The following ADGRB3 variants were observed in gnomAD, a reference collection of about 807,000 sequenced individuals.
ADGRB3 encodes the protein brain-specific angiogenesis inhibitor 3.
Under a neutral mutation model 193.4 loss-of-function variants are expected in ADGRB3, and 37 were observed. The observed-to-expected ratio is 0.19, with a 90% confidence interval of 0.15 to 0.25. The LOEUF is 0.25. Among genes scored for constraint, ADGRB3 ranks in the 10% least tolerant of loss-of-function variants. The pLI is 1.00. For missense variants in ADGRB3, 1,637 were observed against 1,852.9 expected, an observed-to-expected ratio of 0.88 and a Z score of 2.14; for synonymous variants, 690 against 644.2, an observed-to-expected ratio of 1.07 and a Z score of -1.08.
intron 20 of ADGRB3, among the ~76,000 whole-genome samples, chr6:69,304,107 G>T (rs1768011776): frequency 2.0e-5 from 3 of 150,984 alleles, no homozygotes; most frequent in Admixed American, 6.6e-5. Context: ...TTAAAAAAAA[G>T]AGGTTATATA....
At chr6:69,091,362 C>T (rs557441587) in intron 17 of ADGRB3, among the ~76,000 whole-genome samples, 2 of 152,224 alleles carry the variant, frequency 1.3e-5, no homozygotes, top group Admixed American at 1.3e-4. Flanking sequence ...CAGCACTTTT[C>T]ACAATAGCAA....
chr6:69,006,106 TA>T (rs1244342797), intron 11 of ADGRB3, among the ~76,000 whole-genome samples: 1 of 150,046 alleles, frequency 6.7e-6, no homozygotes, highest in African/African-American at 2.4e-5. Context: ...GATTACTTAC[TA>T]TTTTTTTTTA....
chr6:69,146,726 C>A (rs1774507112), intron 17 of ADGRB3, among the ~76,000 whole-genome samples: 1 of 150,872 alleles, frequency 6.6e-6, no homozygotes, highest in African/African-American at 2.4e-5. Flanking sequence ...ATCATTAATT[C>A]TTTAAATGTT....
intron 3 of ADGRB3, among the ~76,000 whole-genome samples, chr6:68,696,402 G>A (rs1041537975): frequency 5.3e-5 from 8 of 150,716 alleles, no homozygotes; most frequent in Admixed American, 2.6e-4. Context: ...TTTGAAAATT[G>A]ACATTTGCCA....
intron 17 of ADGRB3, among the ~76,000 whole-genome samples, chr6:69,129,806 A>G (rs1773954960): frequency 1.3e-5 from 2 of 152,176 alleles, no homozygotes; most frequent in South Asian, 4.1e-4. Flanking sequence ...CATTGCACAA[A>G]ATAGAAAAAG....
intron 3 of ADGRB3, among the ~76,000 whole-genome samples, chr6:68,762,792 A>G (rs897090265): frequency 2.0e-5 from 3 of 152,270 alleles, no homozygotes; most frequent in South Asian, 2.1e-4. Flanking sequence ...AGCACCTATC[A>G]TTTGCTGAAA....
rs141422993 is a variant in ADGRB3, at chr6:69,254,573, T to A, written c.2814+15347T>A. ...TATTTTTTATACTGTCAAGAAAAAATGATGCATTTTCTTTATTCATTAAAT... is the reference window on the plus strand; with the variant it reads ...TATTTTTTATACTGTCAAGAAAAAAAGATGCATTTTCTTTATTCATTAAAT... On this transcript the variant is annotated intron_variant, in intron 20 of 31. Transcript: ENST00000370598. Among the ~76,000 whole-genome samples, 350 of 152,210 alleles carry A rather than the reference T, an allele frequency of 2.3e-3. 9 individuals are homozygous for A. Among genetic ancestry groups the A allele is most frequent in the Admixed American group, 0.018 (276 of 15,282 alleles).
chr6:68,705,646 G>A (rs1176838532), intron 3 of ADGRB3, among the ~76,000 whole-genome samples: 2 of 152,170 alleles, frequency 1.3e-5, no homozygotes, highest in Non-Finnish European at 2.9e-5. Flanking sequence ...TAAAGGTGTG[G>A]GCAGTGCTAA....
chr6:68,798,592 T>C, intron 3 of ADGRB3, among the ~76,000 whole-genome samples: 1 of 151,978 alleles, frequency 6.6e-6, no homozygotes, highest in Non-Finnish European at 1.5e-5. Flanking sequence ...AGGTGACAGG[T>C]TGATGGGTGC....
At chr6:69,086,384 A>G (rs183981747) in intron 17 of ADGRB3, among the ~76,000 whole-genome samples, 1 of 152,202 alleles carries the variant, frequency 6.6e-6, no homozygotes, top group Admixed American at 6.5e-5. Context: ...GGGCATTGGC[A>G]AGAATTAGGC....
chr6:68,983,474 A>G (rs1441866821), intron 10 of ADGRB3, among the ~76,000 whole-genome samples: 1 of 149,002 alleles, frequency 6.7e-6, no homozygotes, highest in Non-Finnish European at 1.5e-5. Context: ...TATATATAGT[A>G]TATATATAAT....
At chr6:69,186,945 T>C (rs974085284) in intron 17 of ADGRB3, among the ~76,000 whole-genome samples, 2 of 92,366 alleles carry the variant, frequency 2.2e-5, no homozygotes, top group African/African-American at 1.0e-4. Context: ...TTGTTTTTTG[T>C]TTTTTTTTTT....
At chr6:68,840,269 T>C (rs1244889872) in intron 3 of ADGRB3, among the ~76,000 whole-genome samples, 1 of 151,976 alleles carries the variant, frequency 6.6e-6, no homozygotes, top group African/African-American at 2.4e-5. Flanking sequence ...CTCCTTTCTT[T>C]TTTCTGTAGA....
At chr6:69,132,500 A>G (rs774859689) in intron 17 of ADGRB3, among the ~76,000 whole-genome samples, 13 of 151,898 alleles carry the variant, frequency 8.6e-5, no homozygotes, top group Non-Finnish European at 1.5e-4. Flanking sequence ...AATTTGTTTA[A>G]TTTCCTTGTG....
chr6:69,045,948 C>T (rs1771224605), intron 13 of ADGRB3, among the ~76,000 whole-genome samples: 1 of 152,108 alleles, frequency 6.6e-6, no homozygotes, highest in East Asian at 1.9e-4. Context: ...AATTTAACAG[C>T]TAACGTACCT....
intron 3 of ADGRB3, among the ~76,000 whole-genome samples, chr6:68,735,161 G>T (rs1240990783): frequency 6.6e-6 from 1 of 151,514 alleles, no homozygotes; most frequent in African/African-American, 2.4e-5. Context: ...TTTTAAATTA[G>T]GAGTCAATGA....
At chr6:68,750,433 C>T (rs143289691) in intron 3 of ADGRB3, among the ~76,000 whole-genome samples, 58 of 152,090 alleles carry the variant, frequency 3.8e-4, no homozygotes, top group African/African-American at 1.2e-3. Flanking sequence ...GTTTAGACTC[C>T]ATGAAAAAAA....
intron 26 of ADGRB3, among the ~76,000 whole-genome samples, chr6:69,340,729 T>C (rs183680627): frequency 1.3e-5 from 2 of 152,318 alleles, no homozygotes; most frequent in Non-Finnish European, 2.9e-5. Context: ...ACCTGTCATC[T>C]ACATTAGGTA....
At chr6:68,945,746 T>C (rs2150252046) in intron 6 of ADGRB3, among the ~76,000 whole-genome samples, 1 of 152,236 alleles carries the variant, frequency 6.6e-6, no homozygotes, top group Middle Eastern at 3.4e-3. Context: ...ATAGTCTACT[T>C]TCCATTAACT....
Sources: gnomAD v4.1 joint callset for allele counts (sites outside exome capture counted in the v4.1 genomes callset) on GRCh38, gnomAD v4.1.1 for gene constraint, MANE v1.5 for transcripts, NCBI Gene and HGNC (gene_info 2026-07-23, HGNC 2026-07-21) for gene names.